Variants in TBC1D5 observed in about 807,000 individuals in gnomAD.
TBC1D5 encodes the protein TBC1 domain family, member 5.
A neutral mutation model predicts 100.3 loss-of-function variants in TBC1D5; 75 were observed. The ratio of observed to expected loss-of-function variants is 0.75; its 90% CI spans 0.62 to 0.91. The LOEUF is 0.91. Ranked by LOEUF, TBC1D5 falls within the 40% of genes least tolerant of loss-of-function variation. The pLI, the probability that TBC1D5 is intolerant of heterozygous loss-of-function variation, is 0.00. For missense variants in TBC1D5, 910 were observed against 942.4 expected (o/e 0.97, Z 0.45); for synonymous variants, 323 against 325.6 (o/e 0.99, Z 0.09).
chr3:17,309,606 T>C (rs896022297), intron 13 of TBC1D5, among the ~76,000 whole-genome samples: 1 of 152,112 alleles, frequency 6.6e-6, no homozygotes, highest in Non-Finnish European at 1.5e-5. Flanking sequence ...AATTTTTTTT[T>C]GTCTAATATG....
intron 2 of TBC1D5, among the ~76,000 whole-genome samples, chr3:17,548,522 TAAGAC>T (rs1176269910): frequency 1.3e-5 from 2 of 152,160 alleles, no homozygotes; most frequent in Non-Finnish European, 2.9e-5. Flanking sequence ...AAAGGAACAG[TAAGAC>T]AAATGTTAAT....
chr3:17,332,733 G>T (rs534490140), intron 13 of TBC1D5, among the ~76,000 whole-genome samples: 4 of 152,012 alleles, frequency 2.6e-5, no homozygotes, highest in African/African-American at 9.6e-5. Flanking sequence ...AAAAGAGGAA[G>T]AAATCAATGG....
intron 3 of TBC1D5, among the ~76,000 whole-genome samples, chr3:17,436,300 T>C (rs1331345995): frequency 6.6e-6 from 1 of 152,196 alleles, no homozygotes; most frequent in African/African-American, 2.4e-5. Flanking sequence ...TTAAATGAGA[T>C]AAATGTATGT....
intron 13 of TBC1D5, among the ~76,000 whole-genome samples, chr3:17,365,272 T>TA (rs2092033884): frequency 6.6e-6 from 1 of 152,218 alleles, no homozygotes; most frequent in Admixed American, 6.5e-5. Flanking sequence ...AGCATATTTT[T>TA]ATCTAGAAAG....
At chr3:17,461,342 A>C (rs751599458) in intron 3 of TBC1D5, among the ~76,000 whole-genome samples, 15 of 152,270 alleles carry the variant, frequency 9.9e-5, no homozygotes, top group Middle Eastern at 3.4e-3. Context: ...ATGTGTTCTT[A>C]TGTACATACT....
In TBC1D5 at chr3:17,241,990, C is replaced by T. The variant is rs144219110; in HGVS notation, c.1332-3571G>A. ...TAAAAAGTAAGTTTTGCATTAATTTCTATTCTGGGAGGTTGGTTCCTCACA... is the reference window on the plus strand; with the variant it reads ...TAAAAAGTAAGTTTTGCATTAATTTTTATTCTGGGAGGTTGGTTCCTCACA... On this transcript the variant is annotated intron_variant, in intron 16 of 21. Transcript: ENST00000253692. Among the ~76,000 whole-genome samples the T allele has an allele frequency of 3.4e-3, 521 of 152,290 alleles. 4 individuals carry two copies. The highest frequency in any genetic ancestry group is 0.011 in the African/African-American group (474 of 41,560).
rs151071454 is a variant in TBC1D5 at position 17,182,301 on chromosome 3, G to A, written c.1852+2808C>T. Among the ~76,000 whole-genome samples, 126 of 152,298 alleles carry A rather than the reference G, an allele frequency of 8.3e-4. No homozygotes were observed. The South Asian group carries it at 0.012, about 15-fold the overall frequency. Reference sequence around the variant, plus strand: ...AAAAAAAGTCAACAGCTATGTGAACGAGTTCTGGCTGAAAGTGAAACGTAC... The same window carrying A: ...AAAAAAAGTCAACAGCTATGTGAACAAGTTCTGGCTGAAAGTGAAACGTAC... On this transcript the variant is annotated intron_variant, in intron 19 of 21. Transcript: ENST00000253692.
chr3:17,253,900 G>A (rs2077392761), intron 16 of TBC1D5, among the ~76,000 whole-genome samples: 1 of 152,168 alleles, frequency 6.6e-6, no homozygotes, highest in Non-Finnish European at 1.5e-5. Flanking sequence ...AGAGAGGAAT[G>A]TGAAATTCAT....
chr3:17,244,853 T>C (rs1000483880), intron 16 of TBC1D5, among the ~76,000 whole-genome samples: 1 of 151,938 alleles, frequency 6.6e-6, no homozygotes, highest in Non-Finnish European at 1.5e-5. Flanking sequence ...GATTCTAACA[T>C]CTAAGGTAAT....
chr3:17,569,436 T>C (rs2096613143), intron 2 of TBC1D5, among the ~76,000 whole-genome samples: 1 of 151,910 alleles, frequency 6.6e-6, no homozygotes. Context: ...ATTCAACATA[T>C]TGAACTGGTT....
chr3:17,659,716 T>C (rs1410594239), intron 1 of TBC1D5, among the ~76,000 whole-genome samples: 1 of 152,108 alleles, frequency 6.6e-6, no homozygotes, highest in East Asian at 1.9e-4. Context: ...AATTCAAACC[T>C]CAAACTTACA....
intron 15 of TBC1D5, among the ~76,000 whole-genome samples, chr3:17,290,797 A>T (rs560797576): frequency 1.4e-4 from 22 of 152,376 alleles, no homozygotes; most frequent in Non-Finnish European, 3.2e-4. Context: ...TTCCTTATAC[A>T]TCGGAGAAAT....
chr3:17,701,773 T>C (rs1455804581), intron 1 of TBC1D5, among the ~76,000 whole-genome samples: 2 of 151,728 alleles, frequency 1.3e-5, no homozygotes, highest in African/African-American at 4.8e-5. Context: ...GGTATATATG[T>C]GGGTAATTCC....
chr3:17,236,436 A>G (rs56110448), intron 17 of TBC1D5, among the ~76,000 whole-genome samples: 22,437 of 152,208 alleles, frequency 0.15, 2,303 homozygotes, highest in East Asian at 0.5. Context: ...CTTTTTTTAA[A>G]AAAATGTGTG....
intron 16 of TBC1D5, among the ~76,000 whole-genome samples, chr3:17,239,191 T>C (rs1277669758): frequency 6.6e-6 from 1 of 152,194 alleles, no homozygotes; most frequent in Non-Finnish European, 1.5e-5. Context: ...TGGTACATCA[T>C]AGGTACTTTA....
At chr3:17,185,112 G>T (rs754039556) in exon 19 of TBC1D5, 1 of 1,611,048 alleles carries the variant, frequency 6.2e-7, no homozygotes, top group South Asian at 1.1e-5. Context: ...CACTTACCAA[G>T]ATGAGTGTCC....
chr3:17,669,405 A>G (rs527929191), intron 1 of TBC1D5, among the ~76,000 whole-genome samples: 1 of 152,216 alleles, frequency 6.6e-6, no homozygotes, highest in African/African-American at 2.4e-5. Context: ...TCAGGGGTTA[A>G]AAGTGAAATA....
At chr3:17,673,281 C>T (rs1439342425) in intron 1 of TBC1D5, among the ~76,000 whole-genome samples, 1 of 148,642 alleles carries the variant, frequency 6.7e-6, no homozygotes, top group Non-Finnish European at 1.5e-5. Flanking sequence ...TTTGCCTGTT[C>T]TACTTATTTT....
chr3:17,278,293 C>T (rs1016335176), intron 15 of TBC1D5, among the ~76,000 whole-genome samples: 5 of 152,198 alleles, frequency 3.3e-5, no homozygotes, highest in African/African-American at 1.2e-4. Context: ...TCACCCATGT[C>T]AGTTTTCAGT....
Sources: allele counts gnomAD v4.1 joint callset (sites outside exome capture counted in the v4.1 genomes callset), GRCh38; gene constraint gnomAD v4.1.1; transcripts MANE v1.5; gene names NCBI Gene and HGNC (gene_info 2026-07-23, HGNC 2026-07-21).